The following CNTNAP2 variants were observed in gnomAD, a reference collection of about 807,000 sequenced individuals.
CNTNAP2 encodes contactin associated protein 2.
A neutral mutation model predicts 155.2 loss-of-function variants in CNTNAP2; 98 were observed. The observed-to-expected ratio is 0.63, with a 90% CI of 0.54 to 0.75. The LOEUF is 0.75. CNTNAP2 is among the 30% of genes least tolerant of loss of function. The probability of loss-of-function intolerance (pLI) is 0.00; values close to 1 mark genes in which losing one functional copy is unlikely to be tolerated. For synonymous variants in CNTNAP2, 651 were observed against 631.2 expected (o/e 1.03, Z -0.47); for missense variants, 1,727 against 1,688.1 (o/e 1.02, Z -0.40).
chr7:148,072,422 A>T (rs1024356862), intron 15 of CNTNAP2, among the ~76,000 whole-genome samples: 2 of 152,238 alleles, frequency 1.3e-5, no homozygotes, highest in Admixed American at 1.3e-4. Context: ...TGTTTAAAAA[A>T]AAATGGGTAT....
At chr7:147,030,543 A>G (rs1172317652) in intron 3 of CNTNAP2, among the ~76,000 whole-genome samples, 1 of 152,204 alleles carries the variant, frequency 6.6e-6, no homozygotes, top group African/African-American at 2.4e-5. Context: ...GTAGAGAAAT[A>G]AGTTCATTTA....
At chr7:147,930,722 A>G (rs1445478521) in intron 14 of CNTNAP2, among the ~76,000 whole-genome samples, 1 of 152,178 alleles carries the variant, frequency 6.6e-6, no homozygotes, top group Non-Finnish European at 1.5e-5. Context: ...AGAACATCCC[A>G]CCCAACAGTG....
intron 14 of CNTNAP2, among the ~76,000 whole-genome samples, chr7:147,937,346 A>G (rs957676353): frequency 3.9e-5 from 6 of 152,154 alleles, no homozygotes; most frequent in Non-Finnish European, 7.3e-5. Context: ...ACATTCAACC[A>G]TCATAACACA....
chr7:146,991,161 T>C (rs554045750), intron 3 of CNTNAP2, among the ~76,000 whole-genome samples: 2 of 152,250 alleles, frequency 1.3e-5, no homozygotes, highest in Non-Finnish European at 2.9e-5. Context: ...TCTAGCCCAG[T>C]CTGAAAGGAA....
chr7:148,323,769 A>G (rs996669215), intron 21 of CNTNAP2, among the ~76,000 whole-genome samples: 11 of 152,126 alleles, frequency 7.2e-5, no homozygotes, highest in African/African-American at 2.7e-4. Context: ...AAACCACTGG[A>G]ACTGTGAAGA....
intron 1 of CNTNAP2, among the ~76,000 whole-genome samples, chr7:146,683,043 C>CT (rs1262855381): frequency 4.7e-5 from 7 of 147,692 alleles, no homozygotes; most frequent in African/African-American, 1.1e-4. Flanking sequence ...AAGTCTTTTT[C>CT]TTTTTTTTGA....
chr7:146,467,705 A>G (rs1390994624), intron 1 of CNTNAP2, among the ~76,000 whole-genome samples: 1 of 152,168 alleles, frequency 6.6e-6, no homozygotes, highest in Non-Finnish European at 1.5e-5. Context: ...TAAATCCCAA[A>G]TGAAATACAA....
chr7:146,357,511 C>T (rs1449303605), intron 1 of CNTNAP2, among the ~76,000 whole-genome samples: 4 of 151,826 alleles, frequency 2.6e-5, no homozygotes, highest in Non-Finnish European at 5.9e-5. Flanking sequence ...TACTCTTGTC[C>T]CTCATTACCT....
At chr7:148,113,283 C>T (rs1804396184) in intron 15 of CNTNAP2, among the ~76,000 whole-genome samples, 1 of 152,180 alleles carries the variant, frequency 6.6e-6, no homozygotes. Context: ...GGGATGTACA[C>T]ATACCCCGTG....
intron 1 of CNTNAP2, among the ~76,000 whole-genome samples, chr7:146,698,410 C>A (rs1800819729): frequency 6.6e-6 from 1 of 152,070 alleles, no homozygotes; most frequent in Non-Finnish European, 1.5e-5. Flanking sequence ...AAGAATTTCA[C>A]TTGATACAGA....
At chr7:146,827,818 CA>C (rs1320675263) in intron 2 of CNTNAP2, among the ~76,000 whole-genome samples, 1 of 152,002 alleles carries the variant, frequency 6.6e-6, no homozygotes, top group Non-Finnish European at 1.5e-5. Context: ...CTAGGGAATA[CA>C]TACAACATGA....
intron 8 of CNTNAP2, among the ~76,000 whole-genome samples, chr7:147,226,090 C>A (rs112106770): frequency 0.048 from 7,236 of 152,244 alleles, 225 homozygotes; most frequent in Middle Eastern, 0.086. Context: ...GATTTCAATT[C>A]TAATATCAGC....
chr7:147,434,706 T>G (rs1029403476), intron 10 of CNTNAP2, among the ~76,000 whole-genome samples: 21 of 152,208 alleles, frequency 1.4e-4, no homozygotes, highest in African/African-American at 5.1e-4. Context: ...AAAAGTAAGT[T>G]AAGTGGTTTC....
At chr7:147,317,431 C>T (rs895150618) in intron 9 of CNTNAP2, among the ~76,000 whole-genome samples, 2 of 152,242 alleles carry the variant, frequency 1.3e-5, no homozygotes, top group South Asian at 4.1e-4. Flanking sequence ...ACACATCATT[C>T]ATCCTCACCC....
intron 1 of CNTNAP2, among the ~76,000 whole-genome samples, chr7:146,667,794 A>G (rs1800224970): frequency 6.6e-6 from 1 of 151,664 alleles, no homozygotes; most frequent in Admixed American, 6.6e-5. Flanking sequence ...TTGTGTATAG[A>G]AATGCTATGG....
chr7:146,624,689 G>A (rs1799390055), intron 1 of CNTNAP2, among the ~76,000 whole-genome samples: 1 of 151,640 alleles, frequency 6.6e-6, no homozygotes, highest in South Asian at 2.1e-4. Context: ...TCTTTTTTCA[G>A]TATTGTAGCT....
chr7:147,853,276 G>A (rs1007264741), intron 13 of CNTNAP2, among the ~76,000 whole-genome samples: 1 of 152,198 alleles, frequency 6.6e-6, no homozygotes, highest in African/African-American at 2.4e-5. Flanking sequence ...TAAAAGAAGT[G>A]CAGATTTATT....
At chr7:146,185,582 G>A (rs1019500735) in intron 1 of CNTNAP2, among the ~76,000 whole-genome samples, 11 of 152,102 alleles carry the variant, frequency 7.2e-5, no homozygotes, top group African/African-American at 2.7e-4. Flanking sequence ...GCTGTGGCTC[G>A]GGCATCCTCT....
intron 3 of CNTNAP2, among the ~76,000 whole-genome samples, chr7:146,848,053 A>G (rs1794795620): frequency 6.6e-6 from 1 of 152,158 alleles, no homozygotes; most frequent in South Asian, 2.1e-4. Flanking sequence ...ATTAACTAAA[A>G]CAGTTTATGC....
Sources: gnomAD v4.1 joint callset for allele counts (sites outside exome capture counted in the v4.1 genomes callset) on GRCh38, gnomAD v4.1.1 for gene constraint, MANE v1.5 for transcripts, NCBI Gene and HGNC (gene_info 2026-07-23, HGNC 2026-07-21) for gene names.